BLTP1: variants seen among roughly 807,000 people sequenced by gnomAD.
BLTP1 encodes fragile site-associated protein.
chr4:122,249,240 C>G, the BLTP1 span: 1 of 547,814 alleles, frequency 1.8e-6, no homozygotes, highest in Non-Finnish European at 2.3e-6. Context: ...TTTAGAGTAT[C>G]CTGTAATCAT....
At chr4:122,280,348 A>C in the BLTP1 span, among the ~76,000 whole-genome samples, 1 of 152,234 alleles carries the variant, frequency 6.6e-6, no homozygotes, top group Admixed American at 6.5e-5. Context: ...GATTTAAGAA[A>C]GTATAGCAGT....
chr4:122,303,007 G>A, the BLTP1 span, among the ~76,000 whole-genome samples: 1 of 152,212 alleles, frequency 6.6e-6, no homozygotes, highest in Non-Finnish European at 1.5e-5. Flanking sequence ...AATTGATGAA[G>A]GTGGTTACGC....
At chr4:122,173,493 C>T in the BLTP1 span, among the ~76,000 whole-genome samples, 1 of 152,192 alleles carries the variant, frequency 6.6e-6, no homozygotes, top group African/African-American at 2.4e-5. Flanking sequence ...AAATGTCTCA[C>T]ATCTCAAATA....
chr4:122,276,835 T>A, the BLTP1 span: 1 of 977,840 alleles, frequency 1.0e-6, no homozygotes, highest in East Asian at 1.1e-4. Flanking sequence ...ATACCTAGAT[T>A]TTACTGTTTA....
the BLTP1 span, chr4:122,325,243 G>A: frequency 2.5e-6 from 4 of 1,605,642 alleles, no homozygotes; most frequent in Non-Finnish European, 3.4e-6. Context: ...TCGAGTAGGA[G>A]AAACTGAAGA....
the BLTP1 span, among the ~76,000 whole-genome samples, chr4:122,195,147 A>G: frequency 6.6e-5 from 10 of 152,326 alleles, no homozygotes; most frequent in Non-Finnish European, 1.2e-4. Context: ...CTGTTTTGCT[A>G]TTGGATAATT....
chr4:122,154,215 G>A, the BLTP1 span: 89 of 602,590 alleles, frequency 1.5e-4, no homozygotes, highest in South Asian at 6.7e-4. Context: ...TCGCTCTGTT[G>A]CCCAGGCTGG....
chr4:122,279,271 T>G, the BLTP1 span, among the ~76,000 whole-genome samples: 1 of 152,190 alleles, frequency 6.6e-6, no homozygotes, highest in African/African-American at 2.4e-5. Flanking sequence ...TCCTCTTCAG[T>G]TAGACACAAA....
chr4:122,255,191 T>C, the BLTP1 span: 1 of 1,612,746 alleles, frequency 6.2e-7, no homozygotes. Flanking sequence ...AGTTGCTCGC[T>C]TTCTCCAAGA....
the BLTP1 span, chr4:122,268,918 G>T: frequency 6.5e-6 from 1 of 154,212 alleles, no homozygotes; most frequent in Non-Finnish European, 1.4e-5. Context: ...CTTGTGGGCT[G>T]AAGAGCTAGC....
chr4:122,182,733 A>C, the BLTP1 span: 1 of 985,112 alleles, frequency 1.0e-6, no homozygotes, highest in Non-Finnish European at 1.2e-6. Context: ...TTTTTCCTCC[A>C]TTCACATTCA....
the BLTP1 span, chr4:122,208,073 A>G: frequency 2.0e-6 from 2 of 985,042 alleles, no homozygotes; most frequent in Non-Finnish European, 2.4e-6. Flanking sequence ...TTTATGGAAC[A>G]TTTTTGGTAT....
At chr4:122,174,366 C>A in the BLTP1 span, 1 of 978,070 alleles carries the variant, frequency 1.0e-6, no homozygotes, top group Non-Finnish European at 1.2e-6. Context: ...TATTTAGTAG[C>A]TTACTTCATA....
At chr4:122,258,567 G>A in the BLTP1 span, 16 of 1,162,412 alleles carry the variant, frequency 1.4e-5, no homozygotes, top group African/African-American at 4.7e-5. Flanking sequence ...GGATTGGGGT[G>A]GGGGAGAAAA....
At chr4:122,290,161 G>A in the BLTP1 span, among the ~76,000 whole-genome samples, 5 of 152,138 alleles carry the variant, frequency 3.3e-5, no homozygotes, top group African/African-American at 1.2e-4. Context: ...TTGTATCTGA[G>A]GTCAGGAAGC....
chr4:122,262,186 G>GTGTGTGTA, the BLTP1 span, among the ~76,000 whole-genome samples: 10 of 150,098 alleles, frequency 6.7e-5, no homozygotes, highest in Non-Finnish European at 1.0e-4. Flanking sequence ...GTGTGTGTGT[G>GTGTGTGTA]TATAGTAAGT....
the BLTP1 span, among the ~76,000 whole-genome samples, chr4:122,286,024 T>G: frequency 6.6e-6 from 1 of 152,166 alleles, no homozygotes; most frequent in African/African-American, 2.4e-5. Context: ...ATTATGAAGG[T>G]CAAAGAGACA....
At chr4:122,179,796 TG>T in the BLTP1 span, 1 of 962,826 alleles carries the variant, frequency 1.0e-6, no homozygotes, top group Non-Finnish European at 1.2e-6. Context: ...AGCCACACAT[TG>T]CATGCCCACA....
the BLTP1 span, chr4:122,324,380 G>A: frequency 4.5e-3 from 6,967 of 1,562,032 alleles, 19 homozygotes; most frequent in Non-Finnish European, 5.4e-3. Context: ...GTCAAATACA[G>A]TAAATAATCA....
Sources: allele counts gnomAD v4.1 joint callset (sites outside exome capture counted in the v4.1 genomes callset), GRCh38; gene constraint gnomAD v4.1.1; transcripts MANE v1.5; gene names NCBI Gene and HGNC (gene_info 2026-07-23, HGNC 2026-07-21).